Variants in OLFM3 observed in about 807,000 individuals in gnomAD.
OLFM3 encodes noelin-3.
OLFM3 carries 20 observed loss-of-function variants against 48.6 expected under a neutral mutation model. The observed-to-expected ratio is 0.41, with a 90% CI of 0.29 to 0.60. OLFM3 has a LOEUF of 0.60. OLFM3 is among the 20% of genes least tolerant of loss of function. The pLI, the probability that OLFM3 is intolerant of heterozygous loss-of-function variation, is 0.28. For synonymous variants in OLFM3, 222 were observed against 198.1 expected (o/e 1.12, Z -1.01); for missense variants, 437 against 544.3 (o/e 0.80, Z 1.96).
intron 1 of OLFM3, among the ~76,000 whole-genome samples, chr1:101,863,415 C>G (rs1656732209): frequency 6.6e-6 from 1 of 152,210 alleles, no homozygotes; most frequent in African/African-American, 2.4e-5. Context: ...CTTCAAATAT[C>G]AAGCTACTTC....
At chr1:101,819,635 C>A (rs999044926) in intron 4 of OLFM3, among the ~76,000 whole-genome samples, 5 of 151,772 alleles carry the variant, frequency 3.3e-5, no homozygotes, top group African/African-American at 1.2e-4. Flanking sequence ...ATGAATCTAG[C>A]CTCTTTTTTT....
chr1:101,945,439 TTC>T (rs1345539330), intron 1 of OLFM3, among the ~76,000 whole-genome samples: 1 of 152,142 alleles, frequency 6.6e-6, no homozygotes, highest in Non-Finnish European at 1.5e-5. Context: ...TTATCTAAGA[TTC>T]TAGAAAATAT....
At chr1:101,893,321 A>C (rs571390014) in intron 1 of OLFM3, 1 of 378,048 alleles carries the variant, frequency 2.6e-6, no homozygotes, top group East Asian at 7.6e-5. Flanking sequence ...AATTCATCAG[A>C]TAGAACCCGG....
At chr1:101,828,460 T>C (rs1209816857) in intron 3 of OLFM3, among the ~76,000 whole-genome samples, 1 of 152,236 alleles carries the variant, frequency 6.6e-6, no homozygotes, top group African/African-American at 2.4e-5. Context: ...TTACATGAAC[T>C]AGGAAAATCC....
At chr1:101,922,181 G>C (rs1659118088) in intron 1 of OLFM3, among the ~76,000 whole-genome samples, 1 of 152,192 alleles carries the variant, frequency 6.6e-6, no homozygotes, top group Admixed American at 6.5e-5. Flanking sequence ...CCTTGGGAAA[G>C]TTACTTAGTG....
intron 1 of OLFM3, among the ~76,000 whole-genome samples, chr1:101,841,335 A>T (rs1427139699): frequency 4.0e-4 from 61 of 152,232 alleles, no homozygotes; most frequent in Non-Finnish European, 8.8e-5. Flanking sequence ...ATACTCAAAG[A>T]ACTTAAACAT....
At chr1:101,956,132 A>T (rs1660292144) in intron 1 of OLFM3, among the ~76,000 whole-genome samples, 2 of 144,334 alleles carry the variant, frequency 1.4e-5, no homozygotes, top group Middle Eastern at 3.5e-3. Context: ...ATTTTCTTGG[A>T]ATTTTCTCCC....
At chr1:101,841,112 A>G (rs1414013870) in intron 1 of OLFM3, among the ~76,000 whole-genome samples, 3 of 152,220 alleles carry the variant, frequency 2.0e-5, no homozygotes, top group Non-Finnish European at 4.4e-5. Context: ...TAAAGCTAGT[A>G]TATGATAGTT....
At chr1:101,971,388 T>A (rs913627131) in intron 1 of OLFM3, among the ~76,000 whole-genome samples, 1 of 152,206 alleles carries the variant, frequency 6.6e-6, no homozygotes, top group Non-Finnish European at 1.5e-5. Context: ...CTGCCAAATG[T>A]GAAATTGCAA....
chr1:101,967,462 A>G (rs1660646657), intron 1 of OLFM3, among the ~76,000 whole-genome samples: 1 of 152,030 alleles, frequency 6.6e-6, no homozygotes, highest in Non-Finnish European at 1.5e-5. Flanking sequence ...TCCCTTATGT[A>G]ACAGTCAAAA....
At chr1:101,917,759 G>A (rs1658972782) in intron 1 of OLFM3, among the ~76,000 whole-genome samples, 1 of 152,094 alleles carries the variant, frequency 6.6e-6, no homozygotes, top group Non-Finnish European at 1.5e-5. Context: ...TATTGTTGAA[G>A]TTTTTTAAAA....
intron 1 of OLFM3, among the ~76,000 whole-genome samples, chr1:101,926,298 A>G (rs1348434534): frequency 6.6e-6 from 1 of 152,192 alleles, no homozygotes; most frequent in Non-Finnish European, 1.5e-5. Flanking sequence ...TATTGAATCT[A>G]TATCTAATAC....
At chr1:101,852,327 T>C (rs1482956065) in intron 1 of OLFM3, among the ~76,000 whole-genome samples, 1 of 152,106 alleles carries the variant, frequency 6.6e-6, no homozygotes, top group Non-Finnish European at 1.5e-5. Flanking sequence ...GGCTACCAGT[T>C]ACCCCTAGAT....
chr1:101,943,829 T>C (rs959793427), intron 1 of OLFM3, among the ~76,000 whole-genome samples: 7 of 152,056 alleles, frequency 4.6e-5, no homozygotes, highest in African/African-American at 2.4e-5. Flanking sequence ...ACTGCTGTTA[T>C]TGTATATTGG....
At chr1:101,911,328 T>G (rs1247964109) in intron 1 of OLFM3, among the ~76,000 whole-genome samples, 1 of 151,824 alleles carries the variant, frequency 6.6e-6, no homozygotes, top group East Asian at 1.9e-4. Flanking sequence ...AAATGGAGAG[T>G]CAATACCAGA....
rs751308779 is a variant in OLFM3 at position 101,804,483 on chromosome 1, A to G, written c.1132T>C (p.Phe378Leu). 1 of 1,612,700 alleles carries G rather than the reference A, an allele frequency of 6.2e-7. No homozygotes were observed. Among genetic ancestry groups the G allele is most frequent in the Non-Finnish European group, 8.5e-7 (1 of 1,179,128 alleles). Residue 378 changes from phenylalanine to leucine, a missense_variant, in exon 6 of 6, where the codon TTC becomes CTC. This residue lies in a region of OLFM3 where 108 missense variants were observed against 135.8 expected (regional missense o/e 0.80). Transcript: ENST00000370103. The surrounding 1 kb of genome is among the most constrained non-coding windows in gnomAD (Gnocchi z 4.5). ...ACATACAGTGTCCCACAGATCATGA[A>G]AGATTCCCCTGCACTTCTCTTGGGG... ...GYPKRSAGES[F>L]MICGTLYVTN... is the part of the protein sequence containing the mutation.
intron 1 of OLFM3, among the ~76,000 whole-genome samples, chr1:101,923,285 G>A (rs983289515): frequency 5.9e-5 from 9 of 152,104 alleles, no homozygotes; most frequent in African/African-American, 1.2e-4. Flanking sequence ...ATTTGCTCCC[G>A]AATATAATAT....
chr1:101,962,646 C>A (rs12120249), intron 1 of OLFM3, among the ~76,000 whole-genome samples: 25,094 of 151,876 alleles, frequency 0.17, 2,337 homozygotes, highest in Non-Finnish European at 0.19. Context: ...AAAAAACAAA[C>A]ATAGTCTTGA....
chr1:101,813,018 A>G (rs1654143228), intron 4 of OLFM3: 2 of 1,187,160 alleles, frequency 1.7e-6, no homozygotes, highest in South Asian at 1.6e-5. Context: ...TACCAGAACT[A>G]TTCTAGGTGC....
Sources: gnomAD v4.1 joint callset for allele counts (sites outside exome capture counted in the v4.1 genomes callset) on GRCh38, gnomAD v4.1.1 for gene constraint, gnomAD v4.1.1 regional missense constraint, Gnocchi (gnomAD v3.1) non-coding constraint, MANE v1.5 for transcripts, NCBI Gene and HGNC (gene_info 2026-07-23, HGNC 2026-07-21) for gene names.